Variants in ARHGAP26 observed in about 807,000 individuals in gnomAD.
The protein encoded by ARHGAP26 is rho GTPase-activating protein 26.
Under a neutral mutation model 104.8 loss-of-function variants are expected in ARHGAP26, and 38 were observed. The observed-to-expected ratio is 0.36, with a 90% CI of 0.28 to 0.48. ARHGAP26 has a LOEUF of 0.48. Among genes scored for constraint, ARHGAP26 ranks in the 20% least tolerant of loss-of-function variants. The pLI is 0.99. For missense variants in ARHGAP26, 704 were observed against 947.9 expected, an observed-to-expected ratio of 0.74 and a Z score of 3.38; for synonymous variants, 341 against 340.0, an observed-to-expected ratio of 1.00 and a Z score of -0.03.
chr5:142,859,423 T>A (rs59889381), intron 1 of ARHGAP26, among the ~76,000 whole-genome samples: 1 of 152,060 alleles, frequency 6.6e-6, no homozygotes. Context: ...TTCTTTCTTT[T>A]CTGGTTTCTT....
chr5:143,136,973 T>C (rs906695417), intron 19 of ARHGAP26, among the ~76,000 whole-genome samples: 3 of 152,326 alleles, frequency 2.0e-5, no homozygotes, highest in Admixed American at 1.3e-4. Flanking sequence ...ATGCCAGTCA[T>C]GTACATAACC....
chr5:142,989,088 G>A (rs1050131627), intron 11 of ARHGAP26, among the ~76,000 whole-genome samples: 3 of 152,144 alleles, frequency 2.0e-5, no homozygotes, highest in African/African-American at 7.2e-5. Flanking sequence ...GTTGACAGTG[G>A]TGTGTTAAAT....
At chr5:143,140,460 T>A (rs776607116) in intron 19 of ARHGAP26, among the ~76,000 whole-genome samples, 3 of 152,202 alleles carry the variant, frequency 2.0e-5, no homozygotes, top group Non-Finnish European at 4.4e-5. Context: ...TGGAGGGTAA[T>A]TGCCATGATT....
Position 143,136,342 on chromosome 5 carries a change from G to A in ARHGAP26, c.1837+2237G>A, listed in dbSNP as rs3776289. On this transcript the variant is annotated intron_variant, in intron 19 of 22. Coordinates refer to ENST00000645722, the MANE Select transcript of ARHGAP26 (RefSeq NM_001135608.3). ...TGTCCATGTCTGCAGATGGTAGACAGGGGATGCAAAAGGAGAAGACAGTGA... is the reference window on the plus strand; with the variant it reads ...TGTCCATGTCTGCAGATGGTAGACAAGGGATGCAAAAGGAGAAGACAGTGA... Among the ~76,000 whole-genome samples, 585 of 152,146 alleles carry A rather than the reference G, an allele frequency of 3.8e-3. 22 individuals are homozygous for A. The East Asian group carries it at 0.083, about 22-fold the overall frequency.
intron 8 of ARHGAP26, among the ~76,000 whole-genome samples, chr5:142,907,160 C>T (rs1350849701): frequency 6.6e-6 from 1 of 152,170 alleles, no homozygotes; most frequent in African/African-American, 2.4e-5. Context: ...CTGAGCTCTC[C>T]TTGTCTGCTT....
chr5:142,903,814 A>G (rs1175896025), intron 8 of ARHGAP26, 145 bp downstream of exon 8: 5 of 869,144 alleles, frequency 5.8e-6, no homozygotes, highest in Middle Eastern at 3.0e-4. Flanking sequence ...CCAAAGAGAA[A>G]GATGATGTCC....
intron 1 of ARHGAP26, among the ~76,000 whole-genome samples, chr5:142,864,048 C>T (rs949455336): frequency 6.6e-5 from 10 of 152,202 alleles, no homozygotes; most frequent in East Asian, 1.9e-4. Flanking sequence ...CAGCCCCTAC[C>T]GGTTTTTCCA....
chr5:142,901,396 A>G (rs1760311571), intron 6 of ARHGAP26, among the ~76,000 whole-genome samples: 1 of 152,234 alleles, frequency 6.6e-6, no homozygotes, highest in African/African-American at 2.4e-5. Flanking sequence ...TGGGGAAAGC[A>G]CGGAAACACA....
chr5:143,116,772 C>G (rs943437651), intron 17 of ARHGAP26, among the ~76,000 whole-genome samples: 2 of 152,186 alleles, frequency 1.3e-5, no homozygotes, highest in African/African-American at 2.4e-5. Flanking sequence ...GCAAGAGGCC[C>G]CTCTGCCAAG....
At chr5:143,102,486 C>T (rs1297876454) in intron 17 of ARHGAP26, among the ~76,000 whole-genome samples, 11 of 152,218 alleles carry the variant, frequency 7.2e-5, no homozygotes, top group African/African-American at 2.7e-4. Context: ...ACTCAGAATG[C>T]TGATCCTCAT....
At chr5:143,070,964 A>G (rs1282846521) in intron 17 of ARHGAP26, among the ~76,000 whole-genome samples, 1 of 152,180 alleles carries the variant, frequency 6.6e-6, no homozygotes, top group Non-Finnish European at 1.5e-5. Flanking sequence ...ATAGAAATAA[A>G]AAGTCCTAAA....
chr5:143,011,093 T>A (rs1024932777), intron 11 of ARHGAP26: 1 of 152,312 alleles, frequency 6.6e-6, no homozygotes. Flanking sequence ...TATCCTTATC[T>A]CCTACCCCTC....
intron 4 of ARHGAP26, among the ~76,000 whole-genome samples, chr5:142,882,356 TG>T (rs1251190955): frequency 6.6e-6 from 1 of 152,194 alleles, no homozygotes; most frequent in Non-Finnish European, 1.5e-5. Context: ...AGAACAAGGT[TG>T]GTCATGTAGT....
rs575488034 is a variant in ARHGAP26 at position 143,027,319 on chromosome 5, C to T, written c.1145-9877C>T. Reference sequence around the variant, plus strand: ...CCCAAGTAGCTGGTATTACAGGCACCTGCCACCATGCCTAGCTAATTTTTT... The same window carrying T: ...CCCAAGTAGCTGGTATTACAGGCACTTGCCACCATGCCTAGCTAATTTTTT... On this transcript the variant is annotated intron_variant, in intron 12 of 22. Transcript: ENST00000645722. 2.6e-5 allele frequency among the ~76,000 whole-genome samples: 4 copies of T among 151,346 alleles called. No individual in the cohort carries two copies. In the East Asian group the frequency reaches 7.8e-4, roughly 29 times the overall value.
intron 11 of ARHGAP26, among the ~76,000 whole-genome samples, chr5:142,935,633 T>C (rs1157042702): frequency 6.6e-6 from 1 of 152,226 alleles, no homozygotes; most frequent in Non-Finnish European, 1.5e-5. Flanking sequence ...ACTAACTACT[T>C]GGTCCAGAGG....
chr5:142,905,802 G>A (rs1022814861), intron 8 of ARHGAP26, among the ~76,000 whole-genome samples: 1 of 152,058 alleles, frequency 6.6e-6, no homozygotes, highest in Admixed American at 6.6e-5. Context: ...GGCTAAAATC[G>A]CAATTGAACT....
chr5:142,952,094 C>G (rs1458847167), intron 11 of ARHGAP26, among the ~76,000 whole-genome samples: 1 of 152,188 alleles, frequency 6.6e-6, no homozygotes, highest in Non-Finnish European at 1.5e-5. Context: ...CTAGTAAGGA[C>G]ATTTGCCATT....
intron 19 of ARHGAP26, among the ~76,000 whole-genome samples, chr5:143,137,495 T>C (rs1293935764): frequency 6.6e-6 from 1 of 152,230 alleles, no homozygotes; most frequent in Admixed American, 6.5e-5. Context: ...GATACCTGGT[T>C]GGAGGGATAT....
chr5:142,947,881 G>A (rs1767403517), intron 11 of ARHGAP26, among the ~76,000 whole-genome samples: 2 of 152,122 alleles, frequency 1.3e-5, no homozygotes, highest in African/African-American at 4.8e-5. Context: ...TAAACTAGGT[G>A]CAGTGGTGTA....
Sources: allele counts gnomAD v4.1 joint callset (sites outside exome capture counted in the v4.1 genomes callset), GRCh38; gene constraint gnomAD v4.1.1; transcripts MANE v1.5; gene names NCBI Gene and HGNC (gene_info 2026-07-23, HGNC 2026-07-21).